PIK3C2G: variants seen among roughly 807,000 people sequenced by gnomAD.
The protein encoded by PIK3C2G is phosphatidylinositol 3-kinase C2 domain-containing subunit gamma.
A neutral mutation model predicts 181.1 loss-of-function variants in PIK3C2G; 168 were observed. That is an observed-to-expected ratio of 0.93 (90% CI 0.82 to 1.05). The LOEUF is 1.05. PIK3C2G is among the 50% of genes least tolerant of loss of function. The pLI is 0.00. For synonymous variants in PIK3C2G, 573 were observed against 592.2 expected, an observed-to-expected ratio of 0.97 and a Z score of 0.47; for missense variants, 1,869 against 1,732.8, an observed-to-expected ratio of 1.08 and a Z score of -1.40.
rs773290534 is a variant in PIK3C2G at position 18,338,524 on chromosome 12, T to C, written c.1371T>C (p.Ser457=). The change falls in exon 9 of 33, where the codon AGT becomes AGC. Residue 457 remains serine (S), a synonymous_variant. Transcript: ENST00000538779. ...KQITDAVNEL[S]LILQRKGENF... ...TTACAGATGCAGTAAATGAACTAAG[T>C]CTAATTCTTCAGAGAAAAGGAGAGG... The C allele has an allele frequency of 6.9e-6, 11 of 1,591,828 alleles. No homozygotes were observed. Among genetic ancestry groups the C allele is most frequent in the Non-Finnish European group, 9.5e-6 (11 of 1,160,136 alleles).
downstream of PIK3C2G, among the ~76,000 whole-genome samples, chr12:18,653,355 C>A (rs760119599): frequency 1.3e-5 from 2 of 152,138 alleles, no homozygotes; most frequent in Non-Finnish European, 2.9e-5. Flanking sequence ...CATGATGTAA[C>A]ACAAATGTTA....
chr12:18,415,186 G>A (rs938830182), intron 16 of PIK3C2G, among the ~76,000 whole-genome samples: 1 of 152,162 alleles, frequency 6.6e-6, no homozygotes, highest in Non-Finnish European at 1.5e-5. Flanking sequence ...TTTTACAACT[G>A]AAGATTTGTG....
intron 25 of PIK3C2G, among the ~76,000 whole-genome samples, chr12:18,543,871 G>A: frequency 6.6e-6 from 1 of 151,752 alleles, no homozygotes; most frequent in Non-Finnish European, 1.5e-5. Context: ...AAAGTGCCGT[G>A]CTGTGCAATG....
chr12:18,527,543 A>G (rs1352582860), intron 24 of PIK3C2G, among the ~76,000 whole-genome samples: 1 of 152,164 alleles, frequency 6.6e-6, no homozygotes, highest in Non-Finnish European at 1.5e-5. Context: ...AATTTCACCC[A>G]AGAGTTATAG....
chr12:18,322,641 G>A (rs1326758527), intron 7 of PIK3C2G, among the ~76,000 whole-genome samples: 1 of 152,050 alleles, frequency 6.6e-6, no homozygotes, highest in African/African-American at 2.4e-5. Flanking sequence ...GTCATCAGTG[G>A]CAGGACTAAA....
intron 24 of PIK3C2G, among the ~76,000 whole-genome samples, chr12:18,531,773 A>G (rs376966613): frequency 1.3e-5 from 2 of 152,304 alleles, no homozygotes. Flanking sequence ...TTGTTTAACC[A>G]TTCACCCATT....
At chr12:18,379,264 A>G in intron 13 of PIK3C2G, among the ~76,000 whole-genome samples, 1 of 151,106 alleles carries the variant, frequency 6.6e-6, no homozygotes, top group Non-Finnish European at 1.5e-5. Context: ...TATCACAGGC[A>G]CAAAAAACCA....
the PIK3C2G span, among the ~76,000 whole-genome samples, chr12:18,709,730 C>A: frequency 6.6e-6 from 1 of 151,968 alleles, no homozygotes; most frequent in Admixed American, 6.6e-5. Context: ...GAAAAAAAAC[C>A]CTGTGTATTG....
chr12:18,377,782 T>C (rs1942555480), intron 13 of PIK3C2G, among the ~76,000 whole-genome samples: 1 of 152,200 alleles, frequency 6.6e-6, no homozygotes, highest in Non-Finnish European at 1.5e-5. Context: ...AAATGACCAG[T>C]GGTCCCCATT....
the PIK3C2G span, chr12:18,696,229 G>T: frequency 6.3e-7 from 1 of 1,594,704 alleles, no homozygotes; most frequent in Non-Finnish European, 8.6e-7. Context: ...GATATATTCT[G>T]GTAATGAACT....
intron 26 of PIK3C2G, among the ~76,000 whole-genome samples, chr12:18,560,762 G>A (rs1945302540): frequency 6.6e-6 from 1 of 151,946 alleles, no homozygotes; most frequent in Non-Finnish European, 1.5e-5. Context: ...TTTCAAAAGT[G>A]AAAGGATTTG....
chr12:18,347,183 A>ATC (rs1435452662), intron 11 of PIK3C2G, among the ~76,000 whole-genome samples: 3 of 152,264 alleles, frequency 2.0e-5, no homozygotes, highest in Admixed American at 6.5e-5. Context: ...GTAAGACAAA[A>ATC]ACATATGCAC....
At chr12:18,325,343 C>T (rs1003927749) in intron 8 of PIK3C2G, among the ~76,000 whole-genome samples, 11 of 152,130 alleles carry the variant, frequency 7.2e-5, no homozygotes, top group African/African-American at 2.4e-4. Context: ...TCAGTTTTAT[C>T]CATTTGAGCT....
At chr12:18,497,577 A>C in intron 21 of PIK3C2G, 42 bp from the exon 22 acceptor site, 1 of 1,560,968 alleles carries the variant, frequency 6.4e-7, no homozygotes. Flanking sequence ...TAATTAACAA[A>C]TTCAAGGAAA....
intron 24 of PIK3C2G, among the ~76,000 whole-genome samples, chr12:18,515,729 G>A (rs1304298026): frequency 6.6e-6 from 1 of 151,638 alleles, no homozygotes; most frequent in Non-Finnish European, 1.5e-5. Flanking sequence ...TCTGATCTTT[G>A]TTGTTTCTTT....
chr12:18,668,207 C>T, the PIK3C2G span, among the ~76,000 whole-genome samples: 1 of 152,114 alleles, frequency 6.6e-6, no homozygotes, highest in African/African-American at 2.4e-5. Flanking sequence ...TCAATAACAT[C>T]CCCTACAGAA....
At chr12:18,328,518 T>A (rs947805620) in intron 8 of PIK3C2G, among the ~76,000 whole-genome samples, 1 of 152,068 alleles carries the variant, frequency 6.6e-6, no homozygotes, top group African/African-American at 2.4e-5. Context: ...ATTTCAAACA[T>A]AACTTAAGCC....
intron 29 of PIK3C2G, among the ~76,000 whole-genome samples, chr12:18,579,894 GGAGGCC>G (rs1946409451): frequency 1.3e-5 from 2 of 152,252 alleles, no homozygotes; most frequent in South Asian, 4.1e-4. Flanking sequence ...CAGCACTTTG[GGAGGCC>G]GAGGTGGGTG....
chr12:18,717,882 G>A, the PIK3C2G span, among the ~76,000 whole-genome samples: 7 of 152,088 alleles, frequency 4.6e-5, no homozygotes, highest in Admixed American at 6.5e-5. Context: ...AGTGGAAATC[G>A]CATTTCGAAT....
Sources: gnomAD v4.1 joint callset for allele counts (sites outside exome capture counted in the v4.1 genomes callset) on GRCh38, gnomAD v4.1.1 for gene constraint, MANE v1.5 for transcripts, NCBI Gene and HGNC (gene_info 2026-07-23, HGNC 2026-07-21) for gene names.